Variants in QKI observed in about 807,000 individuals in gnomAD.
QKI encodes the protein KH domain-containing RNA-binding protein QKI.
Under a neutral mutation model 39.0 loss-of-function variants are expected in QKI, and 10 were observed. The ratio of observed to expected loss-of-function variants is 0.26; its 90% CI spans 0.16 to 0.43. The LOEUF is 0.43. QKI is among the 20% of genes least tolerant of loss of function. The probability of loss-of-function intolerance (pLI) is 1.00; values close to 1 mark genes in which losing one functional copy is unlikely to be tolerated. For synonymous variants in QKI, 204 were observed against 155.4 expected (o/e 1.31, Z -2.33); for missense variants, 218 against 428.0 (o/e 0.51, Z 4.33).
intron 1 of QKI, among the ~76,000 whole-genome samples, chr6:163,448,216 A>G (rs1359705321): frequency 6.6e-6 from 1 of 152,190 alleles, no homozygotes; most frequent in Non-Finnish European, 1.5e-5. Context: ...GGTAGTACAA[A>G]GAGGAGTTAT....
chr6:163,442,955 T>C (rs1789867496), intron 1 of QKI, among the ~76,000 whole-genome samples: 1 of 152,198 alleles, frequency 6.6e-6, no homozygotes, highest in African/African-American at 2.4e-5. Flanking sequence ...TCCAAGTATG[T>C]TATTATATGA....
chr6:163,566,903 T>C (rs1372157839), intron 7 of QKI, 108 bp downstream of exon 7: 1 of 1,479,350 alleles, frequency 6.8e-7, no homozygotes, highest in African/African-American at 1.4e-5. Context: ...GCACACAGTT[T>C]TTTTTCCTTT....
At position 163,532,125 on chromosome 6, in the gene QKI, T is replaced by A. The variant is rs1406324167; in HGVS notation, c.403-2857T>A. On this transcript the variant is annotated intron_variant, in intron 3 of 7. Coordinates refer to ENST00000361752, the MANE Select transcript of QKI (RefSeq NM_006775.3). ...TTTGTTTCTATCATGAAAATAATTATTCCTTTTAAATTCTCTGGCTTTTCT... is the reference window on the plus strand; with the variant it reads ...TTTGTTTCTATCATGAAAATAATTAATCCTTTTAAATTCTCTGGCTTTTCT... 2.0e-5 allele frequency among the ~76,000 whole-genome samples: 3 copies of A among 152,356 alleles called. No homozygotes were observed. The East Asian group carries it at 5.8e-4, about 29-fold the overall frequency.
intron 1 of QKI, among the ~76,000 whole-genome samples, chr6:163,424,071 T>C (rs1788211926): frequency 6.6e-6 from 1 of 152,222 alleles, no homozygotes; most frequent in Non-Finnish European, 1.5e-5. Context: ...GATGCCAGCA[T>C]CTGGGGGATG....
intron 1 of QKI, among the ~76,000 whole-genome samples, chr6:163,432,399 T>C (rs865943653): frequency 0.037 from 4,008 of 108,012 alleles, 73 homozygotes; most frequent in African/African-American, 0.056. Flanking sequence ...ATCCCCCCCC[T>C]TTTTTTTTTT....
At chr6:163,536,136 AAG>A (rs1781191252) in intron 4 of QKI, among the ~76,000 whole-genome samples, 1 of 152,166 alleles carries the variant, frequency 6.6e-6, no homozygotes, top group African/African-American at 2.4e-5. Context: ...CTTGGAATAA[AAG>A]AGTTTTATGT....
intron 1 of QKI, among the ~76,000 whole-genome samples, chr6:163,452,079 A>G (rs529697808): frequency 6.6e-6 from 1 of 152,344 alleles, no homozygotes; most frequent in South Asian, 2.1e-4. Flanking sequence ...CATTCATTGA[A>G]TAAGTATATG....
At chr6:163,537,301 A>G (rs1781265062) in intron 4 of QKI, among the ~76,000 whole-genome samples, 2 of 152,232 alleles carry the variant, frequency 1.3e-5, no homozygotes, top group Admixed American at 6.5e-5. Context: ...CCTAGCACAT[A>G]CATGCTCTGT....
At chr6:163,494,028 G>A (rs942674322) in intron 3 of QKI, among the ~76,000 whole-genome samples, 2 of 152,064 alleles carry the variant, frequency 1.3e-5, no homozygotes, top group Non-Finnish European at 2.9e-5. Context: ...GGCTAACAAA[G>A]TGAATTTGTG....
At chr6:163,481,405 A>G (rs923627122) in intron 3 of QKI, among the ~76,000 whole-genome samples, 2 of 152,192 alleles carry the variant, frequency 1.3e-5, no homozygotes, top group Non-Finnish European at 2.9e-5. Flanking sequence ...TACCATGGCT[A>G]TTCTATGGAG....
intron 2 of QKI, among the ~76,000 whole-genome samples, chr6:163,469,104 A>G (rs182203689): frequency 1.3e-5 from 2 of 152,284 alleles, no homozygotes; most frequent in East Asian, 3.9e-4. Context: ...AAGGTTAGTA[A>G]GATTTAATGT....
chr6:163,495,378 T>A (rs1778341745), intron 3 of QKI, among the ~76,000 whole-genome samples: 3 of 152,138 alleles, frequency 2.0e-5, no homozygotes, highest in Non-Finnish European at 4.4e-5. Flanking sequence ...TAATGAGAGT[T>A]GCGTGTGTGT....
intron 1 of QKI, among the ~76,000 whole-genome samples, chr6:163,450,869 A>T (rs1316740126): frequency 6.6e-6 from 1 of 152,220 alleles, no homozygotes; most frequent in Admixed American, 6.5e-5. Flanking sequence ...TCCTAAGCAG[A>T]TTATTTCCTA....
intron 1 of QKI, among the ~76,000 whole-genome samples, chr6:163,453,666 A>G (rs1790734026): frequency 1.3e-5 from 2 of 152,212 alleles, no homozygotes; most frequent in Admixed American, 6.5e-5. Context: ...CTAGAAGTAT[A>G]AAAAGAACCT....
chr6:163,506,933 T>C (rs1779135328), intron 3 of QKI, among the ~76,000 whole-genome samples: 1 of 152,184 alleles, frequency 6.6e-6, no homozygotes, highest in Admixed American at 6.5e-5. Flanking sequence ...TTGATTAACA[T>C]GTTTGTGTAT....
In QKI at chr6:163,571,246, C is replaced by A. The variant is rs1170135682; in HGVS notation, c.*536C>A. On this transcript the variant is annotated 3_prime_UTR_variant, in exon 8 of 8. Transcript: ENST00000361752. ...TTCAAAATTTGATATGCTGTTTAGT[C>A]ACTACAGTGCCCTCAAAGGGCAGAA... 6.6e-6 allele frequency: 1 copy of A among 152,172 alleles called. No homozygotes were observed. Among genetic ancestry groups the A allele is most frequent in the Non-Finnish European group, 1.5e-5 (1 of 68,042 alleles). 9.4% of individuals were successfully genotyped at this position (152,172 alleles called of 1,614,324 possible).
intron 6 of QKI, chr6:163,565,835 G>A: frequency 1.4e-6 from 2 of 1,456,680 alleles, no homozygotes; most frequent in Admixed American, 2.1e-5. Context: ...AAAATAAGCA[G>A]TGCCCTTCAA....
chr6:163,557,631 T>G lies in QKI; in HGVS notation c.547-4351T>G, dbSNP rs532242832. ...GTGTTCAATAGCACAACAGGGTGAC[T>G]ACAGTCAACAATAATTTATCGTACA... On this transcript the variant is annotated intron_variant, in intron 4 of 7. Transcript: ENST00000361752. Among the ~76,000 whole-genome samples, 5 of 152,300 alleles carry G rather than the reference T, an allele frequency of 3.3e-5. No homozygotes were observed. In the East Asian group the frequency reaches 5.8e-4, roughly 18 times the overall value.
intron 1 of QKI, among the ~76,000 whole-genome samples, chr6:163,451,748 T>C (rs1030424120): frequency 6.6e-5 from 10 of 152,106 alleles, no homozygotes; most frequent in African/African-American, 2.4e-4. Context: ...GGTGGGGCAT[T>C]TGAGTGTTGT....
Sources: gnomAD v4.1 joint callset for allele counts (sites outside exome capture counted in the v4.1 genomes callset) on GRCh38, gnomAD v4.1.1 for gene constraint, MANE v1.5 for transcripts, NCBI Gene and HGNC (gene_info 2026-07-23, HGNC 2026-07-21) for gene names.